Variants in TTC21B observed in about 807,000 individuals in gnomAD.
TTC21B encodes the protein tetratricopeptide repeat domain 21B, also known as tetratricopeptide repeat protein 21B.
TTC21B carries 127 observed loss-of-function variants against 175.1 expected under a neutral mutation model. The observed-to-expected ratio is 0.73, with a 90% confidence interval of 0.63 to 0.84. The LOEUF is 0.84. Among genes scored for constraint, TTC21B ranks in the 40% least tolerant of loss-of-function variants. The pLI is 0.00. For synonymous variants in TTC21B, 524 were observed against 524.5 expected, an observed-to-expected ratio of 1.00 and a Z score of 0.01; for missense variants, 1,561 against 1,558.3, an observed-to-expected ratio of 1.00 and a Z score of -0.03.
In TTC21B at chr2:165,943,225, C is replaced by A. The variant is rs938314123; in HGVS notation, c.546G>T (p.Leu182=). Residue 182 remains leucine (L), a synonymous_variant, in exon 5 of 29, where the codon CTG becomes CTT. Transcript: ENST00000243344. ...LQDGNDTFAL[L]GKAQCLEMRQ... ...TACCCTAACTCCAACTCACCTTACC[C>A]AGCAGAGCAAAAGTATCATTCCCAT... 4 of 1,613,494 alleles carry A rather than the reference C, an allele frequency of 2.5e-6. No individual in the cohort carries two copies. Among genetic ancestry groups the A allele is most frequent in the Middle Eastern group, 3.3e-4 (2 of 6,078 alleles).
chr2:165,947,864 G>A (rs1687637815), intron 3 of TTC21B: 1 of 152,228 alleles, frequency 6.6e-6, no homozygotes, highest in Non-Finnish European at 1.5e-5. Context: ...CCTCTGAACA[G>A]TATTTCTGAT....
Position 165,946,169 on chromosome 2 carries a change from C to CA in TTC21B, c.263-480dup, listed in dbSNP as rs3032577. Among the ~76,000 whole-genome samples, 499 of 116,556 alleles carry CA rather than the reference C, an allele frequency of 4.3e-3. 4 individuals carry two copies. Among genetic ancestry groups the CA allele is most frequent in the African/African-American group, 0.016 (436 of 28,098 alleles). 76.5% of individuals were successfully genotyped at this position (116,556 alleles called of 152,430 possible). ...TGAAACCCTGTCTCTACTAAAGATA[C>CA]AAAAAAAAAAAAAAAAAAAATTAGC... is the stretch of plus-strand genomic sequence containing the variant. On this transcript the variant is annotated intron_variant, in intron 3 of 28. Coordinates refer to ENST00000243344, the MANE Select transcript of TTC21B (RefSeq NM_024753.5).
In TTC21B at chr2:165,941,089, A is replaced by G; in HGVS notation, c.648T>C (p.Val216=). The G allele has an allele frequency of 1.2e-6, 2 of 1,613,788 alleles. No homozygotes were observed. Among genetic ancestry groups the G allele is most frequent in the East Asian group, 4.5e-5 (2 of 44,870 alleles). The change falls in exon 6 of 29, where the codon GTT becomes GTC. Residue 216 remains valine, a synonymous_variant. Transcript: ENST00000243344. ...AGGCTAGTTGTAATTTCATTTTCTTAACAAAAGCAGGAAGGAAGCTCGGAA... is the reference window on the plus strand; with the variant it reads ...AGGCTAGTTGTAATTTCATTTTCTTGACAAAAGCAGGAAGGAAGCTCGGAA... ...VNFPSFLPAF[V]KKMKLQLALQ...
chr2:165,920,424 T>C (rs920903861), intron 12 of TTC21B, among the ~76,000 whole-genome samples: 2 of 152,132 alleles, frequency 1.3e-5, no homozygotes, highest in African/African-American at 4.8e-5. Context: ...TTACTAAACA[T>C]GGCATCAAAG....
intron 1 of TTC21B, 79 bp from the exon 2 acceptor site, chr2:165,949,803 C>T: frequency 2.9e-6 from 4 of 1,394,688 alleles, no homozygotes; most frequent in Non-Finnish European, 4.0e-6. Flanking sequence ...AATAATCTAA[C>T]ATCTAGAATA....
chr2:165,906,044 G>A (rs964220390), intron 19 of TTC21B, among the ~76,000 whole-genome samples: 1 of 151,878 alleles, frequency 6.6e-6, no homozygotes, highest in Non-Finnish European at 1.5e-5. Context: ...AAGCAAATCA[G>A]AACTCCATAA....
chr2:165,940,165 A>C (rs1687312604), intron 6 of TTC21B, among the ~76,000 whole-genome samples: 1 of 152,118 alleles, frequency 6.6e-6, no homozygotes, highest in African/African-American at 2.4e-5. Context: ...CCAGATTCCA[A>C]TCACTTCTCA....
intron 6 of TTC21B, among the ~76,000 whole-genome samples, chr2:165,936,572 C>A (rs1687155743): frequency 6.6e-6 from 1 of 151,958 alleles, no homozygotes; most frequent in Non-Finnish European, 1.5e-5. Flanking sequence ...ACAAAATATA[C>A]AGAGAGCTCT....
chr2:165,902,014 C>A (rs1031759015), intron 19 of TTC21B, 104 bp from the exon 20 acceptor site: 4 of 1,007,638 alleles, frequency 4.0e-6, no homozygotes, highest in Admixed American at 4.4e-5. Context: ...ACATTATGAA[C>A]CCTTGATCTA....
chr2:165,919,744 A>T (rs550757500), intron 12 of TTC21B, among the ~76,000 whole-genome samples: 22 of 152,324 alleles, frequency 1.4e-4, no homozygotes, highest in African/African-American at 5.3e-4. Flanking sequence ...TCCTTGTCAA[A>T]AAAAGGTTTT....
intron 22 of TTC21B, among the ~76,000 whole-genome samples, chr2:165,894,069 C>G (rs1236201627): frequency 6.6e-6 from 1 of 152,062 alleles, no homozygotes; most frequent in Admixed American, 6.6e-5. Context: ...AACCTAGAAG[C>G]TGGAAGATGA....
chr2:165,902,959 C>T (rs1251540765), intron 19 of TTC21B, among the ~76,000 whole-genome samples: 1 of 152,160 alleles, frequency 6.6e-6, no homozygotes, highest in Admixed American at 6.5e-5. Flanking sequence ...GGTAAGGGTA[C>T]CATCCCAAGG....
chr2:165,912,316 G>A (rs963393984), intron 17 of TTC21B, among the ~76,000 whole-genome samples, 198 bp downstream of exon 17: 1 of 152,108 alleles, frequency 6.6e-6, no homozygotes, highest in Non-Finnish European at 1.5e-5. Context: ...AAGGTCTAGG[G>A]TCCAAATAAT....
intron 21 of TTC21B, 152 bp downstream of exon 21, chr2:165,899,618 T>C (rs1342136828): frequency 2.3e-5 from 16 of 683,056 alleles, no homozygotes; most frequent in Non-Finnish European, 3.5e-5. Context: ...TCTGGGTCTT[T>C]ATTGGTAAAA....
intron 6 of TTC21B, chr2:165,934,798 T>G (rs978952925): frequency 2.7e-5 from 4 of 150,870 alleles, no homozygotes; most frequent in African/African-American, 9.7e-5. Flanking sequence ...AGGTAAGGGA[T>G]CATTCAATAG....
intron 22 of TTC21B, among the ~76,000 whole-genome samples, chr2:165,894,119 G>C (rs1217418358): frequency 6.6e-6 from 1 of 152,106 alleles, no homozygotes; most frequent in African/African-American, 2.4e-5. Context: ...GGTGATAAGG[G>C]TCTTCATTAG....
intron 11 of TTC21B, among the ~76,000 whole-genome samples, 184 bp from the exon 12 acceptor site, chr2:165,924,862 C>T (rs572165919): frequency 1.3e-5 from 2 of 152,234 alleles, no homozygotes; most frequent in South Asian, 4.1e-4. Flanking sequence ...TCCCTGGGAT[C>T]TATGAACAGA....
intron 12 of TTC21B, among the ~76,000 whole-genome samples, chr2:165,919,702 T>C: frequency 6.6e-6 from 1 of 152,132 alleles, no homozygotes; most frequent in Non-Finnish European, 1.5e-5. Context: ...AGCACTGGTG[T>C]TACTGAGAGG....
At position 165,899,774 on chromosome 2, in the gene TTC21B, G is replaced by T. The variant is rs1443929851; in HGVS notation, c.2864C>A (p.Thr955Asn). Residue 955 changes from threonine to asparagine, a missense_variant, in exon 21 of 29, where the codon ACC becomes AAC. Transcript: ENST00000243344. Reference protein sequence around the residue: ...LQSDQDNEAATMMMADLMFRK... With the variant: ...LQSDQDNEAANMMMADLMFRK... ...ACTGAAGTTCCTTGGACTGACCATG[G>T]TAGCAGCTTCGTTATCCTGGTCACT... 5 of 1,607,396 alleles carry T rather than the reference G, an allele frequency of 3.1e-6. No individual in the cohort carries two copies. Among genetic ancestry groups the T allele is most frequent in the Middle Eastern group, 1.7e-4 (1 of 6,050 alleles).
Sources: allele counts gnomAD v4.1 joint callset (sites outside exome capture counted in the v4.1 genomes callset), GRCh38; gene constraint gnomAD v4.1.1; transcripts MANE v1.5; gene names NCBI Gene and HGNC (gene_info 2026-07-23, HGNC 2026-07-21).